Variants in SYNE1 observed in about 807,000 individuals in gnomAD.
SYNE1 encodes nesprin-1.
SYNE1 carries 616 observed loss-of-function variants against 1,111.0 expected under a neutral mutation model. The ratio of observed to expected loss-of-function variants is 0.55; its 90% confidence interval spans 0.52 to 0.59. SYNE1 has a LOEUF of 0.59. Among genes scored for constraint, SYNE1 ranks in the 20% least tolerant of loss-of-function variants. The probability of loss-of-function intolerance (pLI) is 0.00; values close to 1 mark genes in which losing one functional copy is unlikely to be tolerated. For missense variants in SYNE1, 10,006 were observed against 10,417.0 expected (o/e 0.96, Z 1.72); for synonymous variants, 3,855 against 3,825.8 (o/e 1.01, Z -0.28).
chr6:152,375,240 G>T (rs1016961159), intron 58 of SYNE1, among the ~76,000 whole-genome samples: 1 of 152,148 alleles, frequency 6.6e-6, no homozygotes, highest in Non-Finnish European at 1.5e-5. Flanking sequence ...GCCGCGCCTG[G>T]CTTGGAAGAA....
chr6:152,167,666 A>C (rs1308168425), intron 130 of SYNE1: 15 of 460,668 alleles, frequency 3.3e-5, no homozygotes, highest in Non-Finnish European at 6.2e-5. Context: ...AGAGCCCTGA[A>C]ATAGTTTTAT....
intron 78 of SYNE1, among the ~76,000 whole-genome samples, chr6:152,328,675 G>A (rs1219570972): frequency 6.6e-6 from 1 of 151,946 alleles, no homozygotes; most frequent in Non-Finnish European, 1.5e-5. Context: ...CCCTCCCAAA[G>A]TGCTGGGATT....
rs373387282 is a variant in SYNE1 at position 152,233,753 on chromosome 6, T to C, written c.20712+28A>G. On this transcript the variant is annotated intron_variant, in intron 112 of 145. Coordinates refer to ENST00000367255, the MANE Select transcript of SYNE1 (RefSeq NM_182961.4). ...CATGTCAAATAGCTTAAGTCAGCTATTTCCCACGAAAGCAATCCTTTCTGT... is the reference window on the plus strand; with the variant it reads ...CATGTCAAATAGCTTAAGTCAGCTACTTCCCACGAAAGCAATCCTTTCTGT... The C allele has an allele frequency of 5.0e-6, 8 of 1,613,848 alleles. No individual in the cohort carries two copies. The African/African-American group carries it at 8.0e-5, about 16-fold the overall frequency.
At chr6:152,630,244 G>A (rs533295984) in intron 2 of SYNE1, among the ~76,000 whole-genome samples, 8 of 152,258 alleles carry the variant, frequency 5.3e-5, no homozygotes, top group Middle Eastern at 3.4e-3. Context: ...ATGGGACAGC[G>A]ATGCAGTGAA....
At chr6:152,425,871 A>G (rs556893592) in intron 38 of SYNE1, among the ~76,000 whole-genome samples, 1 of 152,354 alleles carries the variant, frequency 6.6e-6, no homozygotes, top group South Asian at 2.1e-4. Flanking sequence ...AGGCAAATCT[A>G]GAAGCTGTAG....
At chr6:152,207,085 C>T (rs1172638594) in intron 125 of SYNE1, among the ~76,000 whole-genome samples, 2 of 152,100 alleles carry the variant, frequency 1.3e-5, no homozygotes, top group African/African-American at 2.4e-5. Context: ...CAAGAAATCG[C>T]GAGCACCTAA....
chr6:152,462,678 T>C, intron 20 of SYNE1, 60 bp downstream of exon 20: 1 of 1,604,700 alleles, frequency 6.2e-7, no homozygotes, highest in Non-Finnish European at 8.5e-7. Flanking sequence ...CTGAATAAAC[T>C]TGCTGATCTT....
chr6:152,345,313 A>G (rs1207686985), intron 73 of SYNE1, among the ~76,000 whole-genome samples: 1 of 152,238 alleles, frequency 6.6e-6, no homozygotes, highest in Non-Finnish European at 1.5e-5. Flanking sequence ...CTGTTGAATG[A>G]GTGAACGAAT....
Position 152,344,082 on chromosome 6 carries a change from T to C in SYNE1, c.12224A>G (p.Gln4075Arg). The change falls in exon 74 of 146, where the codon CAG (glutamine) becomes CGG (arginine). Residue 4075 changes from glutamine (Q) to arginine (R), a missense_variant and splice_region_variant. Transcript: ENST00000367255. ...CACAAACTTTCAGGAGTTTACTACC[T>C]GCTTAATGGCTTCTGCCCTACTAAG... Reference protein sequence around the residue: ...PPLSRAEAIKQVKHFRALQEQ... With the variant: ...PPLSRAEAIKRVKHFRALQEQ... The C allele has an allele frequency of 6.2e-7, 1 of 1,614,210 alleles. No homozygotes were observed. Among genetic ancestry groups the C allele is most frequent in the Non-Finnish European group, 8.5e-7 (1 of 1,180,030 alleles).
At chr6:152,152,260 A>G in intron 133 of SYNE1, 119 bp from the exon 134 acceptor site, 1 of 893,122 alleles carries the variant, frequency 1.1e-6, no homozygotes, top group Non-Finnish European at 1.8e-6. Flanking sequence ...ACAGAGGGAA[A>G]GAATGATGTC....
chr6:152,264,791 C>A (rs758729100), intron 100 of SYNE1, among the ~76,000 whole-genome samples: 4 of 151,972 alleles, frequency 2.6e-5, no homozygotes, highest in African/African-American at 7.3e-5. Context: ...CAGAGTGAGA[C>A]CCTGTCTCAA....
intron 51 of SYNE1, among the ~76,000 whole-genome samples, chr6:152,393,176 G>GA (rs1189863846): frequency 1.3e-5 from 2 of 152,150 alleles, no homozygotes; most frequent in Non-Finnish European, 2.9e-5. Flanking sequence ...GCAATTATTA[G>GA]AAAAACAATG....
chr6:152,599,473 C>T (rs139837836), intron 3 of SYNE1, among the ~76,000 whole-genome samples: 8 of 152,102 alleles, frequency 5.3e-5, no homozygotes, highest in Admixed American at 2.0e-4. Context: ...AAAGGAATAA[C>T]GACAAAAGAA....
chr6:152,578,386 G>A (rs1459246386), intron 3 of SYNE1, among the ~76,000 whole-genome samples: 2 of 152,160 alleles, frequency 1.3e-5, no homozygotes, highest in East Asian at 1.9e-4. Context: ...CTTGAGGTCA[G>A]AAATTCAAGA....
intron 3 of SYNE1, among the ~76,000 whole-genome samples, chr6:152,574,883 T>G (rs1323941982): frequency 6.6e-6 from 1 of 152,202 alleles, no homozygotes; most frequent in Non-Finnish European, 1.5e-5. Context: ...TAGCTGTTTT[T>G]GGTTTGTTTT....
intron 14 of SYNE1, among the ~76,000 whole-genome samples, chr6:152,478,860 C>T (rs1430765996): frequency 6.6e-6 from 1 of 152,076 alleles, no homozygotes; most frequent in Admixed American, 6.5e-5. Flanking sequence ...TGGGCATGAA[C>T]TAGGCAAAGA....
intron 95 of SYNE1, among the ~76,000 whole-genome samples, chr6:152,287,472 C>T (rs2094395904): frequency 6.6e-6 from 1 of 152,160 alleles, no homozygotes; most frequent in African/African-American, 2.4e-5. Flanking sequence ...TAATCTTTTT[C>T]AAGACTGTCC....
At chr6:152,158,607 A>C (rs911979370) in intron 131 of SYNE1, among the ~76,000 whole-genome samples, 1 of 152,206 alleles carries the variant, frequency 6.6e-6, no homozygotes, top group African/African-American at 2.4e-5. Context: ...ACATGAAACA[A>C]TATGTCACAG....
intron 101 of SYNE1, among the ~76,000 whole-genome samples, chr6:152,260,718 C>T (rs1381216520): frequency 6.6e-6 from 1 of 151,768 alleles, no homozygotes; most frequent in Non-Finnish European, 1.5e-5. Flanking sequence ...GTGGGAGAGA[C>T]GGTTTTAGAA....
Sources: gnomAD v4.1 joint callset for allele counts (sites outside exome capture counted in the v4.1 genomes callset) on GRCh38, gnomAD v4.1.1 for gene constraint, MANE v1.5 for transcripts, NCBI Gene and HGNC (gene_info 2026-07-23, HGNC 2026-07-21) for gene names.